Variants in CHMP3 observed in about 807,000 individuals in gnomAD.
CHMP3 encodes 25.1 protein.
A neutral mutation model predicts 27.4 loss-of-function variants in CHMP3; 8 were observed. The ratio of observed to expected loss-of-function variants is 0.29; its 90% confidence interval spans 0.17 to 0.53. The LOEUF (loss-of-function observed/expected upper bound fraction) is 0.53. CHMP3 is among the 20% of genes least tolerant of loss of function. The pLI is 0.96. For missense variants in CHMP3, 208 were observed against 271.5 expected (o/e 0.77, Z 1.64); for synonymous variants, 86 against 85.5 (o/e 1.01, Z -0.03).
chr2:86,533,115 C>T (rs1167778717), intron 2 of CHMP3, among the ~76,000 whole-genome samples: 1 of 152,320 alleles, frequency 6.6e-6, no homozygotes, highest in Admixed American at 6.5e-5. Flanking sequence ...AGGTATAAGT[C>T]TGTTCACATT....
intron 1 of CHMP3, among the ~76,000 whole-genome samples, chr2:86,553,962 C>A (rs1677012645): frequency 6.6e-6 from 1 of 152,176 alleles, no homozygotes; most frequent in Non-Finnish European, 1.5e-5. Flanking sequence ...TGGTGCATGT[C>A]CCCAAATTCG....
At chr2:86,543,736 CCT>C (rs772155073) in intron 1 of CHMP3, among the ~76,000 whole-genome samples, 1 of 152,190 alleles carries the variant, frequency 6.6e-6, no homozygotes, top group Non-Finnish European at 1.5e-5. Flanking sequence ...TTCTAGGGAA[CCT>C]CTCTCTGTTT....
At chr2:86,540,146 C>T (rs1183460633) in intron 2 of CHMP3, among the ~76,000 whole-genome samples, 1 of 151,904 alleles carries the variant, frequency 6.6e-6, no homozygotes, top group East Asian at 1.9e-4. Flanking sequence ...TTTTGGTTTT[C>T]AGTAATTTGA....
intron 3 of CHMP3, among the ~76,000 whole-genome samples, chr2:86,515,043 T>C (rs1675241744): frequency 6.6e-6 from 1 of 152,258 alleles, no homozygotes; most frequent in Admixed American, 6.5e-5. Context: ...GTCACAGCTC[T>C]TTTTGCTGAA....
intron 3 of CHMP3, among the ~76,000 whole-genome samples, chr2:86,516,597 T>C (rs1675316874): frequency 6.6e-6 from 1 of 152,220 alleles, no homozygotes; most frequent in African/African-American, 2.4e-5. Context: ...GCTTTATTCA[T>C]AATAGCCAAC....
rs770273030 is a variant in CHMP3, at chr2:86,554,353, T to C, written c.45+8951A>G. On this transcript the variant is annotated intron_variant, in intron 1 of 5. Transcript: ENST00000263856. Reference sequence around the variant, plus strand: ...ATAATAAAACTTTAAAATAAAGTAGTTGGCATTTCATAGGTGTTCTATTTC... The same window carrying C: ...ATAATAAAACTTTAAAATAAAGTAGCTGGCATTTCATAGGTGTTCTATTTC... Among the ~76,000 whole-genome samples the C allele has an allele frequency of 7.2e-4, 110 of 152,218 alleles. 1 individual carries two copies. The highest frequency in any genetic ancestry group is 1.6e-4 in the Non-Finnish European group (11 of 68,034).
intron 1 of CHMP3, among the ~76,000 whole-genome samples, chr2:86,552,580 G>C (rs1215330052): frequency 1.3e-5 from 2 of 152,180 alleles, no homozygotes; most frequent in Non-Finnish European, 2.9e-5. Flanking sequence ...CCTCAGGTTA[G>C]TTACTAGCAT....
In CHMP3 at chr2:86,549,138, CACGTCCCAGACGGGGCG is replaced by C. The variant is rs1558659895; in HGVS notation, c.46-6843_46-6827del. Among the ~76,000 whole-genome samples the C allele has an allele frequency of 1.8e-4, 27 of 148,816 alleles. 1 individual carries two copies. The East Asian group carries it at 4.8e-3, about 26-fold the overall frequency. ...GGGGCGGCCGGGAAGAGGCGCCCCT[CACGTCCCAGACGGGGCG>C]GCCGGGCAGAGGCGCCCACTTCCCA... On this transcript the variant is annotated intron_variant, in intron 1 of 5. Transcript: ENST00000263856.
At chr2:86,530,200 C>T (rs1214111845) in intron 2 of CHMP3, among the ~76,000 whole-genome samples, 1 of 152,098 alleles carries the variant, frequency 6.6e-6, no homozygotes, top group Non-Finnish European at 1.5e-5. Context: ...ACCATGTTGG[C>T]CAGGCTGGTC....
intron 5 of CHMP3, 112 bp downstream of exon 5, chr2:86,507,367 T>C (rs1674925352): frequency 1.2e-6 from 1 of 865,192 alleles, no homozygotes; most frequent in Admixed American, 2.1e-5. Context: ...TGTAAAACGT[T>C]AAAAATGTAG....
intron 3 of CHMP3, among the ~76,000 whole-genome samples, chr2:86,522,972 C>T (rs1333356745): frequency 6.6e-6 from 1 of 152,160 alleles, no homozygotes; most frequent in Non-Finnish European, 1.5e-5. Flanking sequence ...ATACCTAATC[C>T]CTCTACACTC....
intron 1 of CHMP3, among the ~76,000 whole-genome samples, chr2:86,555,130 G>A (rs753570891): frequency 6.6e-6 from 1 of 152,086 alleles, no homozygotes; most frequent in African/African-American, 2.4e-5. Context: ...TTACAGGCAT[G>A]AGCCACCGCT....
chr2:86,534,816 C>T (rs912131334), intron 2 of CHMP3, among the ~76,000 whole-genome samples: 5 of 152,128 alleles, frequency 3.3e-5, no homozygotes, highest in Admixed American at 6.6e-5. Flanking sequence ...ATATCTTTTT[C>T]CATCCTTTTG....
chr2:86,529,270 A>G lies in CHMP3; in HGVS notation c.234T>C (p.Tyr78=), dbSNP rs751377023. The G allele has an allele frequency of 6.2e-7, 1 of 1,613,592 alleles. No homozygotes were observed. Among genetic ancestry groups the G allele is most frequent in the South Asian group, 1.1e-5 (1 of 91,010 alleles). Residue 78 remains tyrosine (Y), a synonymous_variant, in exon 3 of 6, where the codon TAT becomes TAC. Coordinates refer to ENST00000263856, the MANE Select transcript of CHMP3 (RefSeq NM_016079.4). ...IRSRKAVSKL[Y]ASKAHMNSVL... Reference sequence around the variant, plus strand: ...CTGAGTTCATGTGTGCTTTGGATGCATACAGCTTGCTCACAGCCTTCCTTG... The same window carrying G: ...CTGAGTTCATGTGTGCTTTGGATGCGTACAGCTTGCTCACAGCCTTCCTTG...
chr2:86,551,509 G>A (rs909456651), intron 1 of CHMP3, among the ~76,000 whole-genome samples: 11 of 152,070 alleles, frequency 7.2e-5, no homozygotes, highest in African/African-American at 2.2e-4. Flanking sequence ...TGCCCACCTC[G>A]GCCTCCCAAA....
intron 2 of CHMP3, among the ~76,000 whole-genome samples, chr2:86,530,944 GTACT>G (rs1261114041): frequency 1.3e-5 from 2 of 152,100 alleles, no homozygotes; most frequent in African/African-American, 4.8e-5. Flanking sequence ...ATCTTTTCAT[GTACT>G]TACTGACAAT....
At chr2:86,532,260 T>C (rs949161488) in intron 2 of CHMP3, among the ~76,000 whole-genome samples, 7 of 152,174 alleles carry the variant, frequency 4.6e-5, no homozygotes, top group African/African-American at 1.4e-4. Context: ...CCATCGTTAA[T>C]ATAGAGAAAT....
At chr2:86,563,170 C>A in intron 1 of CHMP3, 134 bp downstream of exon 1, 2 of 1,070,660 alleles carry the variant, frequency 1.9e-6, no homozygotes, top group South Asian at 1.5e-5. Context: ...GCCCCCCTGT[C>A]GAGTGGGAGT....
intron 1 of CHMP3, among the ~76,000 whole-genome samples, chr2:86,555,954 C>T (rs984588957): frequency 4.6e-5 from 7 of 152,088 alleles, no homozygotes; most frequent in African/African-American, 1.7e-4. Flanking sequence ...CTTTTTCAGC[C>T]TACCACAATG....
Sources: gnomAD v4.1 joint callset for allele counts (sites outside exome capture counted in the v4.1 genomes callset) on GRCh38, gnomAD v4.1.1 for gene constraint, MANE v1.5 for transcripts, NCBI Gene and HGNC (gene_info 2026-07-23, HGNC 2026-07-21) for gene names.